Variants in TRIQK observed in about 807,000 individuals in gnomAD.
The protein encoded by TRIQK is triple QxxK/R motif-containing protein.
TRIQK carries 10 observed loss-of-function variants against 10.8 expected under a neutral mutation model. That is an observed-to-expected ratio of 0.92 (90% CI 0.57 to 1.57). The LOEUF (loss-of-function observed/expected upper bound fraction) is 1.57. Among genes scored for constraint, TRIQK ranks in the 40% most tolerant of loss-of-function variants. The probability of loss-of-function intolerance (pLI) is 0.00; values close to 1 mark genes in which losing one functional copy is unlikely to be tolerated. For missense variants in TRIQK, 107 were observed against 97.7 expected, an observed-to-expected ratio of 1.09 and a Z score of -0.40; for synonymous variants, 33 against 33.7, an observed-to-expected ratio of 0.98 and a Z score of 0.07.
intron 2 of TRIQK, among the ~76,000 whole-genome samples, chr8:92,943,785 AT>A (rs1563650561): frequency 1.3e-5 from 2 of 152,304 alleles, no homozygotes; most frequent in Non-Finnish European, 2.9e-5. Context: ...TTGAGCAAGG[AT>A]TTTTTTGGGT....
chr8:92,955,230 C>A (rs1425226091), intron 1 of TRIQK, among the ~76,000 whole-genome samples: 1 of 151,204 alleles, frequency 6.6e-6, no homozygotes, highest in Middle Eastern at 3.4e-3. Flanking sequence ...AAAATTTAAC[C>A]CCAACTATTT....
intron 1 of TRIQK, among the ~76,000 whole-genome samples, chr8:93,001,250 T>C (rs2130756840): frequency 6.7e-6 from 1 of 148,290 alleles, no homozygotes; most frequent in East Asian, 2.0e-4. Context: ...GAGCTTGCAG[T>C]GAGCTGAGAT....
intron 4 of TRIQK, among the ~76,000 whole-genome samples, chr8:92,891,062 G>A (rs774492532): frequency 9.9e-5 from 15 of 151,638 alleles, no homozygotes; most frequent in Non-Finnish European, 1.6e-4. Flanking sequence ...TGCATCACAC[G>A]GCAATGCTTG....
intron 2 of TRIQK, among the ~76,000 whole-genome samples, chr8:92,937,821 T>C (rs1308445421): frequency 1.3e-5 from 2 of 151,954 alleles, no homozygotes; most frequent in Non-Finnish European, 2.9e-5. Flanking sequence ...TGGGATATTA[T>C]TGTCATATGT....
chr8:92,976,769 TC>T (rs1280514374), intron 1 of TRIQK, among the ~76,000 whole-genome samples: 1 of 152,026 alleles, frequency 6.6e-6, no homozygotes, highest in African/African-American at 2.4e-5. Context: ...CTATTTAATT[TC>T]CTTTGCTGAC....
chr8:92,964,103 A>C (rs1415861516), intron 1 of TRIQK, among the ~76,000 whole-genome samples: 1 of 152,072 alleles, frequency 6.6e-6, no homozygotes, highest in African/African-American at 2.4e-5. Context: ...AAAAAAGTAC[A>C]ATGGGAAAGG....
intron 2 of TRIQK, among the ~76,000 whole-genome samples, chr8:92,944,651 T>C (rs1194159249): frequency 6.6e-6 from 1 of 152,142 alleles, no homozygotes; most frequent in Admixed American, 6.5e-5. Flanking sequence ...ATGTGGAATC[T>C]AAAGAAGTTG....
intron 1 of TRIQK, among the ~76,000 whole-genome samples, chr8:92,960,289 T>G (rs1162578828): frequency 2.0e-5 from 3 of 152,170 alleles, no homozygotes; most frequent in Non-Finnish European, 4.4e-5. Context: ...TTCTTTATTC[T>G]CCATATATCA....
At chr8:92,891,184 G>A (rs1290659512) in intron 4 of TRIQK, among the ~76,000 whole-genome samples, 1 of 151,810 alleles carries the variant, frequency 6.6e-6, no homozygotes, top group Non-Finnish European at 1.5e-5. Flanking sequence ...GTTACAGCTT[G>A]GTAGTAATAC....
intron 3 of TRIQK, among the ~76,000 whole-genome samples, chr8:92,907,744 T>C (rs970001771): frequency 6.6e-6 from 1 of 152,078 alleles, no homozygotes; most frequent in East Asian, 1.9e-4. Context: ...GTGTTAAAAG[T>C]TCCTTTGCTT....
At chr8:92,915,819 A>G (rs1809809543) in intron 3 of TRIQK, among the ~76,000 whole-genome samples, 2 of 151,852 alleles carry the variant, frequency 1.3e-5, no homozygotes, top group Admixed American at 6.6e-5. Context: ...CAAATTCTTA[A>G]TTGGCTATAT....
chr8:92,961,375 GA>G (rs138613795), intron 1 of TRIQK, among the ~76,000 whole-genome samples: 3 of 148,826 alleles, frequency 2.0e-5, no homozygotes, highest in South Asian at 4.2e-4. Flanking sequence ...TTCCCATCCT[GA>G]AAAAAAAAAT....
At chr8:92,932,535 G>A (rs1295238652) in intron 2 of TRIQK, among the ~76,000 whole-genome samples, 1 of 151,934 alleles carries the variant, frequency 6.6e-6, no homozygotes, top group Non-Finnish European at 1.5e-5. Flanking sequence ...TAATTAATAA[G>A]TATTTGGTGT....
At chr8:92,893,656 A>G (rs1052440481) in intron 3 of TRIQK, among the ~76,000 whole-genome samples, 7 of 152,032 alleles carry the variant, frequency 4.6e-5, no homozygotes, top group Admixed American at 4.6e-4. Context: ...CAAACTATTC[A>G]TGTCATTATT....
chr8:92,944,503 A>G (rs898454434), intron 2 of TRIQK, among the ~76,000 whole-genome samples: 2 of 152,182 alleles, frequency 1.3e-5, no homozygotes, highest in Admixed American at 1.3e-4. Flanking sequence ...TGAAGCATAT[A>G]TATGGAATGA....
intron 1 of TRIQK, among the ~76,000 whole-genome samples, chr8:92,979,658 TG>T (rs1812966592): frequency 6.6e-6 from 1 of 152,098 alleles, no homozygotes; most frequent in Admixed American, 6.6e-5. Context: ...ATTCAGGTCA[TG>T]TATTCCTTTC....
chr8:92,978,711 A>G (rs147803535), intron 1 of TRIQK, among the ~76,000 whole-genome samples: 5 of 152,232 alleles, frequency 3.3e-5, no homozygotes, highest in Non-Finnish European at 7.4e-5. Flanking sequence ...GGGCAACCAC[A>G]GTCCTTTGGT....
At chr8:92,896,092 CAGA>C (rs1310157746) in intron 3 of TRIQK, among the ~76,000 whole-genome samples, 1 of 152,124 alleles carries the variant, frequency 6.6e-6, no homozygotes, top group Non-Finnish European at 1.5e-5. Flanking sequence ...AAAATAGATC[CAGA>C]AGATCTTAAG....
At chr8:92,978,797 A>G (rs981099403) in intron 1 of TRIQK, among the ~76,000 whole-genome samples, 2 of 152,076 alleles carry the variant, frequency 1.3e-5, no homozygotes, top group Non-Finnish European at 2.9e-5. Context: ...TGTTTGAGAG[A>G]TTCTTACTAT....
Sources: gnomAD v4.1 joint callset for allele counts (sites outside exome capture counted in the v4.1 genomes callset) on GRCh38, gnomAD v4.1.1 for gene constraint, MANE v1.5 for transcripts, NCBI Gene and HGNC (gene_info 2026-07-23, HGNC 2026-07-21) for gene names.